AP2B1: variants seen among roughly 807,000 people sequenced by gnomAD.
AP2B1 encodes the protein AP-2 complex subunit beta.
Under a neutral mutation model 102.0 loss-of-function variants are expected in AP2B1, and 23 were observed. The ratio of observed to expected loss-of-function variants is 0.23; its 90% confidence interval spans 0.16 to 0.32. The LOEUF (loss-of-function observed/expected upper bound fraction) is 0.32, where lower values mean the gene tolerates loss of function less well. AP2B1 is among the 10% of genes least tolerant of loss of function. The probability of loss-of-function intolerance (pLI) is 1.00; values close to 1 mark genes in which losing one functional copy is unlikely to be tolerated. For synonymous variants in AP2B1, 381 were observed against 421.2 expected, an observed-to-expected ratio of 0.90 and a Z score of 1.17; for missense variants, 541 against 1,157.4, an observed-to-expected ratio of 0.47 and a Z score of 7.73.
chr17:35,706,872 G>A (rs1276264046), intron 18 of AP2B1, among the ~76,000 whole-genome samples: 1 of 151,764 alleles, frequency 6.6e-6, no homozygotes, highest in South Asian at 2.1e-4. Flanking sequence ...GGCTGGTCTC[G>A]AACTCCTGAC....
chr17:35,703,395 C>A (rs2076278375), intron 18 of AP2B1, among the ~76,000 whole-genome samples: 1 of 152,056 alleles, frequency 6.6e-6, no homozygotes, highest in South Asian at 2.1e-4. Flanking sequence ...TTCATTGCAG[C>A]ACTATTCACA....
chr17:35,709,649 C>G (rs781974997), intron 19 of AP2B1, among the ~76,000 whole-genome samples: 4 of 152,158 alleles, frequency 2.6e-5, no homozygotes, highest in Admixed American at 6.5e-5. Context: ...TTTGGAACTT[C>G]CGCTTCCAAA....
At position 35,624,384 on chromosome 17, in the gene AP2B1, C is replaced by G. The variant is rs758802832; in HGVS notation, c.526-13C>G. 18 of 1,613,408 alleles carry G rather than the reference C, an allele frequency of 1.1e-5. No homozygotes were observed. Among genetic ancestry groups the G allele is most frequent in the Non-Finnish European group, 1.5e-5 (18 of 1,179,778 alleles). ...TTCTTGGTGAATCAAGGTCATACCC[C>G]CTTCTTTTCCAGGTGGTGGCTAATG... On this transcript the variant is annotated splice_polypyrimidine_tract_variant and intron_variant, in intron 5 of 21. Coordinates refer to ENST00000610402, the MANE Select transcript of AP2B1 (RefSeq NM_001030006.2).
intron 9 of AP2B1, among the ~76,000 whole-genome samples, chr17:35,635,407 C>T (rs948851131): frequency 2.6e-5 from 4 of 151,958 alleles, no homozygotes; most frequent in Admixed American, 6.6e-5. Context: ...TTTTTTGAGA[C>T]GGAGTCTCGT....
chr17:35,627,352 C>CA (rs751180569), intron 7 of AP2B1, 33 bp from the exon 8 acceptor site: 5 of 1,452,782 alleles, frequency 3.4e-6, no homozygotes, highest in Non-Finnish European at 3.7e-6. Context: ...TATATGCCTT[C>CA]ACCTTCCTTT....
rs761618935 is a variant in AP2B1, at chr17:35,641,932, A to G, written c.1493A>G (p.Glu498Gly). ...AAGCTGTTTCTCAAGAAACCATCAG[A>G]AACACAGGAGCTAGTCCAGCAGGTC... ...IVKLFLKKPS[E>G]TQELVQQVLS... Residue 498 changes from glutamate to glycine, a missense_variant, in exon 12 of 22, where the codon GAA becomes GGA. Physicochemically the swap from Glu to Gly is moderately conservative, Grantham distance 98. Coordinates refer to ENST00000610402, the MANE Select transcript of AP2B1 (RefSeq NM_001030006.2). 2 of 1,612,804 alleles carry G rather than the reference A, an allele frequency of 1.2e-6. No homozygotes were observed. The highest frequency in any genetic ancestry group is 3.3e-5 in the Admixed American group (2 of 60,028).
chr17:35,608,434 C>T (rs776812807), intron 5 of AP2B1, 47 bp downstream of exon 5: 3 of 1,606,426 alleles, frequency 1.9e-6, no homozygotes, highest in Admixed American at 1.7e-5. Context: ...TAAAATGAGT[C>T]CCTTGTTAAA....
chr17:35,677,969 C>G (rs1379946712), intron 17 of AP2B1, among the ~76,000 whole-genome samples: 1 of 151,712 alleles, frequency 6.6e-6, no homozygotes, highest in Non-Finnish European at 1.5e-5. Context: ...AAGCAGTTCT[C>G]CATCCTCAGC....
intron 13 of AP2B1, among the ~76,000 whole-genome samples, chr17:35,652,985 T>C (rs923541237): frequency 6.6e-6 from 1 of 152,248 alleles, no homozygotes; most frequent in Admixed American, 6.5e-5. Flanking sequence ...CATCATGGCT[T>C]CCTGGACACT....
intron 5 of AP2B1, among the ~76,000 whole-genome samples, chr17:35,612,962 A>G (rs2073909559): frequency 6.6e-6 from 1 of 151,704 alleles, no homozygotes; most frequent in Admixed American, 6.6e-5. Flanking sequence ...AGACTGAGTT[A>G]TCTGAACACT....
chr17:35,722,793 A>T (rs753335499), intron 21 of AP2B1, among the ~76,000 whole-genome samples: 19 of 152,342 alleles, frequency 1.2e-4, no homozygotes, highest in Non-Finnish European at 2.6e-4. Flanking sequence ...TGCGTTTTGC[A>T]TGCTTATATT....
At chr17:35,646,506 T>G (rs1445618723) in intron 12 of AP2B1, among the ~76,000 whole-genome samples, 1 of 152,086 alleles carries the variant, frequency 6.6e-6, no homozygotes, top group East Asian at 1.9e-4. Context: ...ATCCAGTAAC[T>G]CTATCTCCAG....
chr17:35,644,268 A>C (rs574532103), intron 12 of AP2B1, among the ~76,000 whole-genome samples: 25 of 152,308 alleles, frequency 1.6e-4, no homozygotes, highest in African/African-American at 5.8e-4. Flanking sequence ...GAGAATACCT[A>C]TTCCCTGCCT....
At chr17:35,701,222 T>C (rs1341321316) in intron 18 of AP2B1, among the ~76,000 whole-genome samples, 1 of 152,220 alleles carries the variant, frequency 6.6e-6, no homozygotes, top group Non-Finnish European at 1.5e-5. Context: ...TTACTTACTC[T>C]TCATGAGATG....
At chr17:35,645,912 A>G (rs185098145) in intron 12 of AP2B1, among the ~76,000 whole-genome samples, 2 of 152,316 alleles carry the variant, frequency 1.3e-5, no homozygotes, top group Admixed American at 1.3e-4. Context: ...TTTGTGATAC[A>G]TGGAATAGAA....
At chr17:35,619,754 G>T (rs982224872) in intron 5 of AP2B1, among the ~76,000 whole-genome samples, 1 of 152,124 alleles carries the variant, frequency 6.6e-6, no homozygotes, top group African/African-American at 2.4e-5. Context: ...TGGGAGGCAA[G>T]ATGAATAAAG....
intron 17 of AP2B1, among the ~76,000 whole-genome samples, chr17:35,675,857 A>G (rs1255057159): frequency 6.6e-6 from 1 of 152,122 alleles, no homozygotes; most frequent in Non-Finnish European, 1.5e-5. Context: ...ATTCTTTTAT[A>G]TCAGCAAATA....
intron 14 of AP2B1, among the ~76,000 whole-genome samples, chr17:35,669,677 T>G (rs1477366403): frequency 6.6e-6 from 1 of 152,194 alleles, no homozygotes; most frequent in East Asian, 1.9e-4. Flanking sequence ...AGATTAATTT[T>G]TAGATTTTTG....
intron 2 of AP2B1, 128 bp downstream of exon 2, chr17:35,594,195 A>ATAGAAGTAGTAGATGT: frequency 3.4e-6 from 2 of 582,374 alleles, no homozygotes; most frequent in Non-Finnish European, 6.0e-6. Flanking sequence ...CTGGACATCT[A>ATAGAAGTAGTAGATGT]CTACTTCTAT....
Sources: allele counts gnomAD v4.1 joint callset (sites outside exome capture counted in the v4.1 genomes callset), GRCh38; gene constraint gnomAD v4.1.1; transcripts MANE v1.5; gene names NCBI Gene and HGNC (gene_info 2026-07-23, HGNC 2026-07-21).